Variants in THOP1 observed in about 807,000 individuals in gnomAD.
The protein encoded by THOP1 is thimet oligopeptidase 1.
Under a neutral mutation model 71.8 loss-of-function variants are expected in THOP1, and 49 were observed. The observed-to-expected ratio is 0.68, with a 90% CI of 0.54 to 0.87. THOP1 has a LOEUF of 0.87. THOP1 is among the 40% of genes least tolerant of loss of function. The pLI, the probability that THOP1 is intolerant of heterozygous loss-of-function variation, is 0.00. For synonymous variants in THOP1, 426 were observed against 421.5 expected, an observed-to-expected ratio of 1.01 and a Z score of -0.13; for missense variants, 843 against 975.6, an observed-to-expected ratio of 0.86 and a Z score of 1.81.
Position 2,813,442 on chromosome 19 carries a change from A to G in THOP1, c.*166A>G. 1 of 892,862 alleles carries G rather than the reference A, an allele frequency of 1.1e-6. No homozygotes were observed. The highest frequency in any genetic ancestry group is 1.6e-6 in the Non-Finnish European group (1 of 614,934). The allele number at this position is 892,862 out of a possible 1,614,324, so 55.3% of individuals were successfully genotyped here. A position where few individuals can be genotyped will look rare whatever the true frequency, so the allele number is the denominator to read the frequency against. On this transcript the variant is annotated 3_prime_UTR_variant, in exon 13 of 13. Transcript: ENST00000307741. ...GTCTGTCCCCACCCGGTCGTGGCCC[A>G]CCCGGCTAGAGACGGCGTCCTCAAG...
rs1383438152 is a variant in THOP1, at chr19:2,794,824, C to T, written c.290C>T (p.Ala97Val). Residue 97 changes from alanine (A) to valine (V), a missense_variant, in exon 3 of 13, where the codon GCC (alanine) becomes GTC (valine). Coordinates refer to ENST00000307741, the MANE Select transcript of THOP1 (RefSeq NM_003249.5). ...HVSPSKDIRT[A>V]STEADKKLSE... ...TCCCCCTCCAAGGACATCCGGACAGCCAGCACAGAGGCCGACAAGAAGCTC... is the reference window on the plus strand; with the variant it reads ...TCCCCCTCCAAGGACATCCGGACAGTCAGCACAGAGGCCGACAAGAAGCTC... 6.2e-7 allele frequency: 1 copy of T among 1,613,860 alleles called. No homozygotes were observed. Among genetic ancestry groups the T allele is most frequent in the Non-Finnish European group, 8.5e-7 (1 of 1,179,960 alleles).
intron 2 of THOP1, among the ~76,000 whole-genome samples, chr19:2,793,350 G>A (rs982262207): frequency 9.2e-5 from 14 of 151,972 alleles, no homozygotes; most frequent in African/African-American, 1.5e-4. Flanking sequence ...GCACCCACGC[G>A]TCCCCTCCTG....
At position 2,815,647 on chromosome 19, in the gene THOP1, T is replaced by G. The variant is rs1453621299; in HGVS notation, c.*2371T>G. ...GGGGCTGCAGAGCTGCTGTGTCTCC[T>G]GGCTCCTCTGCCCCATGCTCCCCAC... is the stretch of plus-strand genomic sequence containing the variant. On this transcript the variant is annotated 3_prime_UTR_variant, in exon 13 of 13. Transcript: ENST00000307741. 2 of 152,596 alleles carry G rather than the reference T, an allele frequency of 1.3e-5. No homozygotes were observed. The highest frequency in any genetic ancestry group is 4.8e-5 in the African/African-American group (2 of 41,432). 9.5% of individuals were successfully genotyped at this position (152,596 alleles called of 1,614,324 possible).
At position 2,815,803 on chromosome 19, in the gene THOP1, A is replaced by C. The variant is rs1269424711; in HGVS notation, c.*2527A>C. ...AGGGGGAAATAAAGAATCGTAAAAA[A>C]TACATATATTGGAACCTGTATGTTT... On this transcript the variant is annotated 3_prime_UTR_variant, in exon 13 of 13. Coordinates refer to ENST00000307741, the MANE Select transcript of THOP1 (RefSeq NM_003249.5). 2 of 152,382 alleles carry C rather than the reference A, an allele frequency of 1.3e-5. No individual in the cohort carries two copies. Among genetic ancestry groups the C allele is most frequent in the East Asian group, 3.9e-4 (2 of 5,188 alleles). 9.4% of individuals were successfully genotyped at this position (152,382 alleles called of 1,614,324 possible).
chr19:2,794,699 G>C, intron 2 of THOP1, 65 bp from the exon 3 acceptor site: 2 of 1,558,894 alleles, frequency 1.3e-6, no homozygotes, highest in Non-Finnish European at 8.8e-7. Context: ...AGGGGTCCGG[G>C]CAACACCTGC....
At position 2,806,940 on chromosome 19, in the gene THOP1, G is replaced by C; in HGVS notation, c.774G>C (p.Glu258Asp). The C allele has an allele frequency of 2.5e-6, 4 of 1,613,144 alleles. No homozygotes were observed. In the East Asian group the frequency reaches 8.9e-5, roughly 36 times the overall value. Residue 258 changes from glutamate (E) to aspartate (D), a missense_variant, in exon 7 of 13, where the codon GAG (glutamate) becomes GAC (aspartate). Transcript: ENST00000307741. ...CKEENCAILK[E>D]LVTLRAQKSR... is the part of the protein sequence containing the mutation. Reference sequence around the variant, plus strand: ...AGGAGAACTGCGCTATCCTCAAGGAGCTGGTGACGCTGCGGGCCCAGAAGT... The same window carrying C: ...AGGAGAACTGCGCTATCCTCAAGGACCTGGTGACGCTGCGGGCCCAGAAGT...
At chr19:2,786,127 G>T (rs1186014899) in intron 1 of THOP1, among the ~76,000 whole-genome samples, 1 of 152,210 alleles carries the variant, frequency 6.6e-6, no homozygotes, top group Non-Finnish European at 1.5e-5. Context: ...TTTCTGAAGA[G>T]GTGAGCGTCG....
In THOP1 at chr19:2,808,448, G is replaced by C; in HGVS notation, c.1455+4G>C. On this transcript the variant is annotated splice_donor_region_variant and intron_variant, in intron 9 of 12. Coordinates refer to ENST00000307741, the MANE Select transcript of THOP1 (RefSeq NM_003249.5). ...GATGCACCAGCTCTGCTCCCAGGTG[G>C]GTGCGGGCCCGGGCAGGGGCAGGGG... The C allele has an allele frequency of 6.3e-7, 1 of 1,593,008 alleles. No individual in the cohort carries two copies. The highest frequency in any genetic ancestry group is 8.6e-7 in the Non-Finnish European group (1 of 1,165,646).
chr19:2,785,596 G>C lies in THOP1; in HGVS notation c.-67G>C. On this transcript the variant is annotated 5_prime_UTR_variant, in exon 1 of 13. Transcript: ENST00000307741. Reference sequence around the variant, plus strand: ...TTGGGCCGAGGCAGGCGGCCTCAGTGGCCGAGGTGGCTGGACGCGTAGCAG... The same window carrying C: ...TTGGGCCGAGGCAGGCGGCCTCAGTCGCCGAGGTGGCTGGACGCGTAGCAG... 6.7e-7 allele frequency: 1 copy of C among 1,482,804 alleles called. No homozygotes were observed. The highest frequency in any genetic ancestry group is 9.0e-7 in the Non-Finnish European group (1 of 1,116,520). 91.9% of individuals were successfully genotyped at this position (1,482,804 alleles called of 1,614,324 possible). A position where few individuals can be genotyped will look rare whatever the true frequency, so the allele number is the denominator to read the frequency against.
At chr19:2,789,818 T>G (rs979328996) in intron 1 of THOP1, 1 of 152,492 alleles carries the variant, frequency 6.6e-6, no homozygotes, top group Non-Finnish European at 1.5e-5. Flanking sequence ...AGTGGCGCGA[T>G]CTTGGCTCAC....
intron 2 of THOP1, among the ~76,000 whole-genome samples, chr19:2,793,631 A>G (rs1335854278): frequency 6.6e-6 from 1 of 152,050 alleles, no homozygotes; most frequent in Non-Finnish European, 1.5e-5. Context: ...TGAAGGTTGC[A>G]GTGAGCCGAG....
At position 2,813,151 on chromosome 19, in the gene THOP1, G is replaced by A. The variant is rs781683646; in HGVS notation, c.1945G>A (p.Gly649Ser). ...MDYRSCILRP[G>S]GSEDASAMLR... ...TTACAGAAGCTGCATCCTGAGACCC[G>A]GCGGTTCCGAGGATGCCAGCGCCAT... Residue 649 changes from glycine (G) to serine (S), a missense_variant, in exon 13 of 13, where the codon GGC becomes AGC. Physicochemically the swap from Gly to Ser is moderately conservative, Grantham distance 56 (BLOSUM62 0). Transcript: ENST00000307741. 8.7e-6 allele frequency: 14 copies of A among 1,611,616 alleles called. No individual in the cohort carries two copies. The highest frequency in any genetic ancestry group is 1.7e-5 in the Admixed American group (1 of 59,894).
Position 2,799,810 on chromosome 19 carries a change from G to A in THOP1, c.589+19G>A. The A allele has an allele frequency of 6.2e-7, 1 of 1,605,400 alleles. No individual in the cohort carries two copies. Among genetic ancestry groups the A allele is most frequent in the Non-Finnish European group, 8.5e-7 (1 of 1,172,760 alleles). On this transcript the variant is annotated intron_variant, in intron 5 of 12. Transcript: ENST00000307741. The stretch of plus-strand genomic sequence containing the variant: ...GAGCTAGGTAGGGGCCGAGCAGTGG[G>A]GCACGGGTGGCCATCGGTCCTGGGA...
intron 12 of THOP1, 75 bp from the exon 13 acceptor site, chr19:2,813,040 G>A: frequency 6.7e-7 from 1 of 1,486,338 alleles, no homozygotes; most frequent in South Asian, 1.3e-5. Flanking sequence ...CTGGGCGAGG[G>A]TGTGCAGACT....
intron 9 of THOP1, among the ~76,000 whole-genome samples, chr19:2,808,733 C>T (rs1002023353): frequency 6.6e-6 from 1 of 152,246 alleles, no homozygotes; most frequent in African/African-American, 2.4e-5. Flanking sequence ...CCTCGAGGTC[C>T]CTCCTTGGCT....
At chr19:2,808,473 G>A (rs751125356) in intron 9 of THOP1, 29 bp downstream of exon 9, 4 of 1,538,408 alleles carry the variant, frequency 2.6e-6, no homozygotes, top group Non-Finnish European at 3.5e-6. Flanking sequence ...AGGGGCAGGG[G>A]CAGGGGCAGG....
In THOP1 at chr19:2,815,542, C is replaced by A; in HGVS notation, c.*2266C>A. The A allele has an allele frequency of 6.6e-6, 1 of 152,648 alleles. No homozygotes were observed. 9.5% of individuals were successfully genotyped at this position (152,648 alleles called of 1,614,324 possible). ...CCCAGGGAGCTGGGCGTCCTCAGAG[C>A]CTTCCCAAATGCCCACACCGGGGGC... On this transcript the variant is annotated 3_prime_UTR_variant, in exon 13 of 13. Coordinates refer to ENST00000307741, the MANE Select transcript of THOP1 (RefSeq NM_003249.5).
At chr19:2,790,333 A>T in intron 1 of THOP1, 88 bp from the exon 2 acceptor site, 1 of 1,264,386 alleles carries the variant, frequency 7.9e-7, no homozygotes, top group Non-Finnish European at 1.1e-6. Context: ...GAAGCGGGTG[A>T]TCCCTTCCTT....
In THOP1 at chr19:2,813,153, C is replaced by T. The variant is rs374306847; in HGVS notation, c.1947C>T (p.Gly649=). 2.0e-4 allele frequency: 323 copies of T among 1,611,728 alleles called. No homozygotes were observed. The highest frequency in any genetic ancestry group is 9.9e-4 in the Middle Eastern group (6 of 6,054). The change falls in exon 13 of 13, where the codon GGC becomes GGT. Residue 649 remains glycine, a synonymous_variant. Coordinates refer to ENST00000307741, the MANE Select transcript of THOP1 (RefSeq NM_003249.5). The part of the protein sequence containing the change: ...MDYRSCILRP[G]GSEDASAMLR... ...ACAGAAGCTGCATCCTGAGACCCGGCGGTTCCGAGGATGCCAGCGCCATGC... is the reference window on the plus strand; with the variant it reads ...ACAGAAGCTGCATCCTGAGACCCGGTGGTTCCGAGGATGCCAGCGCCATGC...
Sources: gnomAD v4.1 joint callset for allele counts (sites outside exome capture counted in the v4.1 genomes callset) on GRCh38, gnomAD v4.1.1 for gene constraint, MANE v1.5 for transcripts, NCBI Gene and HGNC (gene_info 2026-07-23, HGNC 2026-07-21) for gene names.